The following UBR1 variants were observed in gnomAD, a reference collection of about 807,000 sequenced individuals.
UBR1 encodes ubiquitin protein ligase E3 component n-recognin 1.
A neutral mutation model predicts 242.1 loss-of-function variants in UBR1; 102 were observed. That is an observed-to-expected ratio of 0.42 (90% CI 0.36 to 0.50). UBR1 has a LOEUF of 0.50. Among genes scored for constraint, UBR1 ranks in the 20% least tolerant of loss-of-function variants. UBR1 has a pLI of 0.01. For missense variants in UBR1, 1,772 were observed against 2,101.8 expected (o/e 0.84, Z 3.07); for synonymous variants, 675 against 684.8 (o/e 0.99, Z 0.22).
intron 43 of UBR1, among the ~76,000 whole-genome samples, chr15:42,959,181 T>C (rs1274636632): frequency 6.6e-6 from 1 of 152,184 alleles, no homozygotes; most frequent in African/African-American, 2.4e-5. Flanking sequence ...CAGTTGTCTA[T>C]ATTTAGTACA....
chr15:43,076,326 G>GCTACAACCTCCACCTCC (rs2033892482), intron 3 of UBR1, among the ~76,000 whole-genome samples: 3 of 152,126 alleles, frequency 2.0e-5, no homozygotes, highest in Non-Finnish European at 4.4e-5. Flanking sequence ...ATCTCAGCTC[G>GCTACAACCTCCACCTCC]CTACAACCTC....
chr15:43,054,053 T>TA (rs1458737181), intron 12 of UBR1, among the ~76,000 whole-genome samples: 1 of 151,852 alleles, frequency 6.6e-6, no homozygotes, highest in South Asian at 2.1e-4. Flanking sequence ...AAAAAGGAGT[T>TA]AAAAAAATGT....
At chr15:43,034,019 C>T (rs1402172774) in intron 19 of UBR1, among the ~76,000 whole-genome samples, 2 of 152,034 alleles carry the variant, frequency 1.3e-5, no homozygotes, top group African/African-American at 4.8e-5. Flanking sequence ...GCGGGTGGAT[C>T]ACAAGGTCAG....
At chr15:43,002,276 C>T (rs2032737603) in intron 32 of UBR1, among the ~76,000 whole-genome samples, 1 of 152,114 alleles carries the variant, frequency 6.6e-6, no homozygotes, top group South Asian at 2.1e-4. Flanking sequence ...TGCAGTGGGG[C>T]AATCTCGACT....
At chr15:43,048,523 T>A (rs778054380) in intron 12 of UBR1, 32 bp from the exon 13 acceptor site, 3 of 1,530,216 alleles carry the variant, frequency 2.0e-6, no homozygotes, top group East Asian at 4.5e-5. Context: ...AAATATTTCA[T>A]TTATCTATTT....
intron 30 of UBR1, among the ~76,000 whole-genome samples, chr15:43,005,853 GC>G (rs2032818174): frequency 6.7e-6 from 1 of 149,192 alleles, no homozygotes; most frequent in African/African-American, 2.5e-5. Flanking sequence ...TAAGGGCGGG[GC>G]AAGATGTGCT....
At chr15:43,006,446 T>C (rs2032831084) in intron 30 of UBR1, among the ~76,000 whole-genome samples, 1 of 152,206 alleles carries the variant, frequency 6.6e-6, no homozygotes, top group Non-Finnish European at 1.5e-5. Flanking sequence ...CTGGCTAATA[T>C]GTTTGTAAAG....
At chr15:42,963,090 T>C (rs2032048894) in intron 42 of UBR1, among the ~76,000 whole-genome samples, 1 of 152,220 alleles carries the variant, frequency 6.6e-6, no homozygotes, top group African/African-American at 2.4e-5. Context: ...CTACTGTGAT[T>C]GTACTCAACA....
rs1421959639 is a variant in UBR1 at position 42,945,429 on chromosome 15, T to C, written c.5150A>G (p.Lys1717Arg). 6.2e-7 allele frequency: 1 copy of C among 1,614,172 alleles called. No individual in the cohort carries two copies. Among genetic ancestry groups the C allele is most frequent in the South Asian group, 1.1e-5 (1 of 91,086 alleles). ...GTGTTGTTGCCAGACCAAATGGAGCTTCCGATACCGCTCACGAGATAAATG... is the reference window on the plus strand; with the variant it reads ...GTGTTGTTGCCAGACCAAATGGAGCCTCCGATACCGCTCACGAGATAAATG... Reference protein sequence around the residue: ...PLHLSRERYRKLHLVWQQHCI... With the variant: ...PLHLSRERYRRLHLVWQQHCI... The change falls in exon 47 of 47, where the codon AAG (lysine) becomes AGG (arginine). Residue 1717 changes from lysine (K) to arginine (R), a missense_variant. Lys to Arg is a conservative substitution (Grantham distance 26). Transcript: ENST00000290650.
chr15:43,043,799 A>G (rs2033450238), intron 14 of UBR1, among the ~76,000 whole-genome samples: 1 of 152,220 alleles, frequency 6.6e-6, no homozygotes, highest in African/African-American at 2.4e-5. Context: ...AAATTGTTCT[A>G]TGTATTACTA....
Position 43,015,747 on chromosome 15 carries a change from G to A in UBR1, c.3150C>T (p.Leu1050=). ...GCATTTCTGATGTATTGTCATACAT[G>A]AGTTTATGAGTTTCAATGAAGTTTT... ...LQKNFIETHK[L]MYDNTSEMPG... is the part of the protein sequence containing the mutation. Residue 1050 remains leucine, a synonymous_variant, in exon 29 of 47, where the codon CTC becomes CTT. Transcript: ENST00000290650. 1 of 1,614,132 alleles carries A rather than the reference G, an allele frequency of 6.2e-7. No individual in the cohort carries two copies. Among genetic ancestry groups the A allele is most frequent in the Non-Finnish European group, 8.5e-7 (1 of 1,180,018 alleles).
chr15:43,078,796 C>G (rs2033938203), intron 3 of UBR1, among the ~76,000 whole-genome samples: 1 of 151,868 alleles, frequency 6.6e-6, no homozygotes, highest in Admixed American at 6.6e-5. Context: ...CAGCAAGATC[C>G]CATTTCTACA....
At chr15:42,954,951 G>A (rs1033929239) in intron 44 of UBR1, among the ~76,000 whole-genome samples, 11 of 152,088 alleles carry the variant, frequency 7.2e-5, no homozygotes, top group Middle Eastern at 3.4e-3. Context: ...GGTGGATCAC[G>A]AGGTCAGGAG....
In UBR1 at chr15:43,004,427, A is replaced by G. The variant is rs553463432; in HGVS notation, c.3416-497T>C. ...CCCTCTGATGCCACCAAAGTTGTGAAAGCCGAGGCTGGACTGTACTGCCGC... is the reference window on the plus strand; with the variant it reads ...CCCTCTGATGCCACCAAAGTTGTGAGAGCCGAGGCTGGACTGTACTGCCGC... On this transcript the variant is annotated intron_variant, in intron 30 of 46. Coordinates refer to ENST00000290650, the MANE Select transcript of UBR1 (RefSeq NM_174916.3). 2.6e-5 allele frequency among the ~76,000 whole-genome samples: 4 copies of G among 152,048 alleles called. No homozygotes were observed. In the East Asian group the frequency reaches 7.8e-4, roughly 29 times the overall value.
chr15:43,088,476 C>T (rs1596139158), intron 1 of UBR1, among the ~76,000 whole-genome samples: 1 of 151,560 alleles, frequency 6.6e-6, no homozygotes, highest in Non-Finnish European at 1.5e-5. Flanking sequence ...TTTAAAATTT[C>T]AACACATTTG....
At chr15:42,988,781 C>T in intron 35 of UBR1, 38 bp downstream of exon 35, 2 of 1,613,712 alleles carry the variant, frequency 1.2e-6, no homozygotes, top group Non-Finnish European at 1.7e-6. Flanking sequence ...AGTTAATTCT[C>T]ACTGAAACCT....
At chr15:42,958,900 G>A (rs766389658) in intron 43 of UBR1, among the ~76,000 whole-genome samples, 5 of 152,106 alleles carry the variant, frequency 3.3e-5, no homozygotes, top group African/African-American at 7.2e-5. Context: ...GTGCGATCTC[G>A]GCTCACTGCA....
At chr15:43,012,181 C>T (rs1039701476) in intron 29 of UBR1, among the ~76,000 whole-genome samples, 5 of 150,840 alleles carry the variant, frequency 3.3e-5, no homozygotes, top group African/African-American at 7.3e-5. Flanking sequence ...GAGCCGAGAC[C>T]GTGCCACTGC....
chr15:42,977,341 T>C (rs1465743813), intron 38 of UBR1, among the ~76,000 whole-genome samples: 1 of 152,162 alleles, frequency 6.6e-6, no homozygotes, highest in Non-Finnish European at 1.5e-5. Context: ...TACCCCTGCA[T>C]CCATAAACTC....
Sources: allele counts gnomAD v4.1 joint callset (sites outside exome capture counted in the v4.1 genomes callset), GRCh38; gene constraint gnomAD v4.1.1; transcripts MANE v1.5; gene names NCBI Gene and HGNC (gene_info 2026-07-23, HGNC 2026-07-21).